The following SLC39A12 variants were observed in gnomAD, a reference collection of about 807,000 sequenced individuals.
SLC39A12 encodes solute carrier family 39 member 12.
A neutral mutation model predicts 71.1 loss-of-function variants in SLC39A12; 63 were observed. The observed-to-expected ratio is 0.89, with a 90% CI of 0.72 to 1.09. The LOEUF (loss-of-function observed/expected upper bound fraction) is 1.09. Among genes scored for constraint, SLC39A12 ranks in the 50% least tolerant of loss-of-function variants. SLC39A12 has a pLI of 0.00. For missense variants in SLC39A12, 892 were observed against 812.6 expected, an observed-to-expected ratio of 1.10 and a Z score of -1.19; for synonymous variants, 351 against 301.3, an observed-to-expected ratio of 1.16 and a Z score of -1.71.
chr10:17,978,201 T>A, intron 5 of SLC39A12, 127 bp downstream of exon 5: 1 of 720,470 alleles, frequency 1.4e-6, no homozygotes, highest in Non-Finnish European at 2.1e-6. Flanking sequence ...AAAAATATTC[T>A]AGTTCCACCA....
chr10:18,036,966 T>G (rs1208546348), intron 12 of SLC39A12, among the ~76,000 whole-genome samples: 1 of 151,380 alleles, frequency 6.6e-6, no homozygotes, highest in Non-Finnish European at 1.5e-5. Flanking sequence ...TTTGTGTTTT[T>G]AATAGAGTCT....
intron 12 of SLC39A12, among the ~76,000 whole-genome samples, chr10:18,021,796 C>T (rs1836540062): frequency 6.6e-6 from 1 of 152,102 alleles, no homozygotes; most frequent in Non-Finnish European, 1.5e-5. Flanking sequence ...TTAAGGACCT[C>T]TTGGAAGTCA....
intron 6 of SLC39A12, among the ~76,000 whole-genome samples, chr10:17,983,588 C>T (rs1199361808): frequency 6.6e-6 from 1 of 152,070 alleles, no homozygotes; most frequent in Non-Finnish European, 1.5e-5. Flanking sequence ...TCGAGACCAG[C>T]CTGGCCAACA....
At chr10:18,036,763 TATATATATATA>T (rs1564665829) in intron 12 of SLC39A12, among the ~76,000 whole-genome samples, 11 of 8,706 alleles carry the variant, frequency 1.3e-3, no homozygotes, top group African/African-American at 3.8e-3. Flanking sequence ...TATATATATA[TATATATATATA>T]TATATATATA....
chr10:17,999,138 A>G (rs562362546), intron 10 of SLC39A12, among the ~76,000 whole-genome samples: 1 of 152,128 alleles, frequency 6.6e-6, no homozygotes, highest in East Asian at 1.9e-4. Flanking sequence ...TCTACTAAAA[A>G]TACAAAAAAA....
intron 12 of SLC39A12, chr10:18,005,583 T>C (rs1307122824): frequency 6.6e-6 from 1 of 152,256 alleles, no homozygotes; most frequent in African/African-American, 2.4e-5. Context: ...TGAATGTCGA[T>C]GTCTGTAGTC....
chr10:17,966,816 CA>C (rs752762394), intron 4 of SLC39A12, among the ~76,000 whole-genome samples: 12 of 151,130 alleles, frequency 7.9e-5, no homozygotes, highest in Admixed American at 3.3e-4. Flanking sequence ...ACTAAAAATA[CA>C]AAAAAAATTA....
chr10:17,990,348 A>G (rs190381268), intron 7 of SLC39A12, among the ~76,000 whole-genome samples: 65 of 152,318 alleles, frequency 4.3e-4, no homozygotes, highest in African/African-American at 1.5e-3. Context: ...AAATGCCTGT[A>G]CACATATATG....
At chr10:18,036,058 A>G (rs1837001975) in intron 12 of SLC39A12, among the ~76,000 whole-genome samples, 2 of 152,234 alleles carry the variant, frequency 1.3e-5, no homozygotes, top group African/African-American at 2.4e-5. Context: ...CAAAGCTGTC[A>G]GGCAGGGACA....
intron 5 of SLC39A12, among the ~76,000 whole-genome samples, chr10:17,979,154 G>A (rs1215539010): frequency 6.6e-6 from 1 of 152,152 alleles, no homozygotes; most frequent in Non-Finnish European, 1.5e-5. Context: ...TTTAAAGATT[G>A]TTGGCTGCAT....
intron 12 of SLC39A12, among the ~76,000 whole-genome samples, chr10:18,013,733 A>T (rs1481339671): frequency 6.6e-6 from 1 of 152,114 alleles, no homozygotes; most frequent in African/African-American, 2.4e-5. Context: ...CTCTCCTTTG[A>T]CCATTGAATG....
chr10:17,968,966 A>G (rs757680871), intron 4 of SLC39A12, among the ~76,000 whole-genome samples: 12 of 152,022 alleles, frequency 7.9e-5, no homozygotes, highest in African/African-American at 2.9e-4. Context: ...TCTGGAAACC[A>G]TCCTTCTATT....
chr10:18,002,129 A>G (rs1328435890), intron 11 of SLC39A12: 1 of 152,184 alleles, frequency 6.6e-6, no homozygotes, highest in African/African-American at 2.4e-5. Context: ...ATGGGTTAGA[A>G]CAGACGTTTC....
intron 12 of SLC39A12, among the ~76,000 whole-genome samples, chr10:18,011,573 G>A (rs539019382): frequency 2.4e-4 from 37 of 152,290 alleles, no homozygotes; most frequent in African/African-American, 7.9e-4. Flanking sequence ...ATTTTCAACT[G>A]TGCAGGGATC....
chr10:17,983,806 A>C (rs1349094247), intron 6 of SLC39A12, among the ~76,000 whole-genome samples: 1 of 152,128 alleles, frequency 6.6e-6, no homozygotes, highest in East Asian at 1.9e-4. Flanking sequence ...AACAAAACCT[A>C]GAAAAACATC....
chr10:17,964,054 T>G (rs1235229102), intron 3 of SLC39A12, among the ~76,000 whole-genome samples: 3 of 152,184 alleles, frequency 2.0e-5, no homozygotes, highest in African/African-American at 7.2e-5. Context: ...CTCCCTAGTG[T>G]TCCCGTAGCC....
At chr10:17,995,838 G>T (rs1181665021) in intron 10 of SLC39A12, 116 bp downstream of exon 10, 4 of 825,986 alleles carry the variant, frequency 4.8e-6, no homozygotes, top group Non-Finnish European at 7.3e-6. Context: ...AGTTTATTAT[G>T]AAAAACTTTG....
intron 7 of SLC39A12, 85 bp downstream of exon 7, chr10:17,987,736 C>G: frequency 7.1e-7 from 1 of 1,411,700 alleles, no homozygotes; most frequent in South Asian, 1.3e-5. Flanking sequence ...CAAAATTTTA[C>G]TGAGACTTCA....
chr10:17,994,023 G>A (rs577951774), intron 9 of SLC39A12, among the ~76,000 whole-genome samples: 1 of 152,276 alleles, frequency 6.6e-6, no homozygotes, highest in African/African-American at 2.4e-5. Context: ...ATAGAAGTTT[G>A]GGAGTAGATT....
Sources: allele counts gnomAD v4.1 joint callset (sites outside exome capture counted in the v4.1 genomes callset), GRCh38; gene constraint gnomAD v4.1.1; transcripts MANE v1.5; gene names NCBI Gene and HGNC (gene_info 2026-07-23, HGNC 2026-07-21).